FAM107B: variants seen among roughly 807,000 people sequenced by gnomAD.
The protein encoded by FAM107B is family with sequence similarity 107 member B.
FAM107B carries 21 observed loss-of-function variants against 31.5 expected under a neutral mutation model. The observed-to-expected ratio is 0.67, with a 90% CI of 0.47 to 0.96. The LOEUF (loss-of-function observed/expected upper bound fraction) is 0.96, where lower values mean the gene tolerates loss of function less well. FAM107B is among the 40% of genes least tolerant of loss of function. The pLI is 0.00. For missense variants in FAM107B, 452 were observed against 377.1 expected (o/e 1.20, Z -1.64); for synonymous variants, 157 against 141.5 (o/e 1.11, Z -0.78).
At chr10:14,711,593 G>A (rs1054700528) in intron 1 of FAM107B, among the ~76,000 whole-genome samples, 15 of 152,204 alleles carry the variant, frequency 9.9e-5, no homozygotes, top group Non-Finnish European at 1.6e-4. Flanking sequence ...TGATGTTCAC[G>A]TAATGATGAA....
At chr10:14,613,393 G>T (rs1025570337) in intron 2 of FAM107B, among the ~76,000 whole-genome samples, 11 of 152,306 alleles carry the variant, frequency 7.2e-5, no homozygotes, top group African/African-American at 2.6e-4. Context: ...TTGATTTGGA[G>T]AGATTCATAA....
chr10:14,690,602 G>A (rs941188185), intron 1 of FAM107B, among the ~76,000 whole-genome samples: 7 of 152,012 alleles, frequency 4.6e-5, no homozygotes, highest in Non-Finnish European at 8.8e-5. Context: ...ACAGTTGCGC[G>A]CCACCATGCC....
rs531410051 is a variant in FAM107B, at chr10:14,561,180, T to C, written c.470-30665A>G. Reference sequence around the variant, plus strand: ...TCATCAAGTATTTAGTCTGTGTCTATTAAGTGCCAGGCACTGTTCACAACA... The same window carrying C: ...TCATCAAGTATTTAGTCTGTGTCTACTAAGTGCCAGGCACTGTTCACAACA... On this transcript the variant is annotated intron_variant, in intron 2 of 4. Coordinates refer to ENST00000181796, the MANE Select transcript of FAM107B (RefSeq NM_031453.4). 1.1e-3 allele frequency among the ~76,000 whole-genome samples: 170 copies of C among 152,354 alleles called. 1 individual carries two copies. The highest frequency in any genetic ancestry group is 2.1e-3 in the Non-Finnish European group (141 of 68,036).
At chr10:14,769,967 G>C (rs912931281) in intron 1 of FAM107B, among the ~76,000 whole-genome samples, 4 of 152,166 alleles carry the variant, frequency 2.6e-5, no homozygotes, top group African/African-American at 9.7e-5. Context: ...TTCGCAATTA[G>C]AACAGAAAAA....
At chr10:14,588,027 G>A (rs1851899377) in intron 2 of FAM107B, among the ~76,000 whole-genome samples, 1 of 152,206 alleles carries the variant, frequency 6.6e-6, no homozygotes, top group African/African-American at 2.4e-5. Context: ...ACTCACCCAT[G>A]AGTAAAAAAT....
At chr10:14,566,866 G>A (rs1279815224) in intron 2 of FAM107B, among the ~76,000 whole-genome samples, 1 of 152,126 alleles carries the variant, frequency 6.6e-6, no homozygotes, top group East Asian at 1.9e-4. Context: ...TACATCGGAG[G>A]TGGGGCCGGG....
intron 1 of FAM107B, among the ~76,000 whole-genome samples, chr10:14,707,092 C>T (rs1365539314): frequency 6.6e-6 from 1 of 152,012 alleles, no homozygotes; most frequent in Non-Finnish European, 1.5e-5. Flanking sequence ...TGCCACTGTA[C>T]TCCAGCCTGG....
chr10:14,768,189 A>G lies in FAM107B; in HGVS notation c.411+6064T>C, dbSNP rs142770063. On this transcript the variant is annotated intron_variant, in intron 1 of 4. Coordinates refer to ENST00000181796, the MANE Select transcript of FAM107B (RefSeq NM_031453.4). ...AATAAATGGAAAATATCTTGTGTTC[A>G]TGGATTAGAAAATGTAAGATGTCAA... is the stretch of plus-strand genomic sequence containing the variant. Among the ~76,000 whole-genome samples, 15 of 152,350 alleles carry G rather than the reference A, an allele frequency of 9.8e-5. No homozygotes were observed. The East Asian group carries it at 2.7e-3, about 27-fold the overall frequency.
chr10:14,669,855 G>A (rs949148981), intron 1 of FAM107B, among the ~76,000 whole-genome samples: 1 of 152,204 alleles, frequency 6.6e-6, no homozygotes, highest in African/African-American at 2.4e-5. Context: ...ACATTCTAAT[G>A]TTCATAGCAG....
At chr10:14,752,457 C>G (rs1401502184) in intron 1 of FAM107B, among the ~76,000 whole-genome samples, 1 of 152,182 alleles carries the variant, frequency 6.6e-6, no homozygotes, top group South Asian at 2.1e-4. Flanking sequence ...GGAGGTAGTC[C>G]AGATACAAAG....
intron 2 of FAM107B, chr10:14,556,436 A>T: frequency 2.0e-6 from 2 of 985,084 alleles, no homozygotes; most frequent in Non-Finnish European, 2.4e-6. Context: ...GTCAGCACTC[A>T]GCATGCCAGA....
intron 1 of FAM107B, among the ~76,000 whole-genome samples, chr10:14,734,421 G>A (rs1856247004): frequency 6.6e-6 from 1 of 152,052 alleles, no homozygotes; most frequent in Admixed American, 6.5e-5. Context: ...GTGGTCCAGG[G>A]CGGCTTTGAA....
chr10:14,655,390 C>CT (rs1224256913), intron 2 of FAM107B, among the ~76,000 whole-genome samples: 2 of 152,064 alleles, frequency 1.3e-5, no homozygotes, highest in African/African-American at 4.8e-5. Flanking sequence ...GTTTTCTTTT[C>CT]TTTTTTTTCT....
intron 2 of FAM107B, among the ~76,000 whole-genome samples, chr10:14,537,567 C>T (rs1353606381): frequency 6.6e-6 from 1 of 152,092 alleles, no homozygotes; most frequent in Non-Finnish European, 1.5e-5. Flanking sequence ...TGCTGGGCTG[C>T]GGTGGCTCAT....
intron 2 of FAM107B, among the ~76,000 whole-genome samples, chr10:14,624,684 G>C (rs1041018949): frequency 6.6e-6 from 1 of 152,128 alleles, no homozygotes; most frequent in Admixed American, 6.5e-5. Context: ...GAACGTCCCT[G>C]AGTCCGTTTT....
At chr10:14,617,034 G>A (rs904532768) in intron 2 of FAM107B, among the ~76,000 whole-genome samples, 4 of 151,904 alleles carry the variant, frequency 2.6e-5, no homozygotes, top group African/African-American at 4.8e-5. Context: ...AAAAGGAGAG[G>A]AGCAATAGGA....
At chr10:14,671,863 CCTTTT>C (rs1185461241) in intron 1 of FAM107B, among the ~76,000 whole-genome samples, 1 of 122,652 alleles carries the variant, frequency 8.2e-6, no homozygotes, top group African/African-American at 3.0e-5. Flanking sequence ...TAATACACTC[CCTTTT>C]ATTTAAAAAA....
At chr10:14,651,303 G>T (rs1292730451) in intron 2 of FAM107B, among the ~76,000 whole-genome samples, 2 of 152,102 alleles carry the variant, frequency 1.3e-5, no homozygotes, top group Non-Finnish European at 2.9e-5. Flanking sequence ...TGCCATGTGT[G>T]GATAAGATAT....
chr10:14,600,767 G>A (rs1374890968), intron 2 of FAM107B, among the ~76,000 whole-genome samples: 4 of 151,784 alleles, frequency 2.6e-5, no homozygotes, highest in African/African-American at 7.3e-5. Flanking sequence ...AGCCTCCAGG[G>A]TAGCTGGGAC....
Sources: gnomAD v4.1 joint callset for allele counts (sites outside exome capture counted in the v4.1 genomes callset) on GRCh38, gnomAD v4.1.1 for gene constraint, MANE v1.5 for transcripts, NCBI Gene and HGNC (gene_info 2026-07-23, HGNC 2026-07-21) for gene names.